The following DNAAF5 variants were observed in gnomAD, a reference collection of about 807,000 sequenced individuals.
The protein encoded by DNAAF5 is dynein axonemal assembly factor 5.
DNAAF5 carries 64 observed loss-of-function variants against 75.8 expected under a neutral mutation model. The observed-to-expected ratio is 0.84, with a 90% CI of 0.69 to 1.04. The LOEUF (loss-of-function observed/expected upper bound fraction) is 1.04. Among genes scored for constraint, DNAAF5 ranks in the 50% least tolerant of loss-of-function variants. The probability of loss-of-function intolerance (pLI) is 0.00; values close to 1 mark genes in which losing one functional copy is unlikely to be tolerated. For synonymous variants in DNAAF5, 657 were observed against 557.2 expected, an observed-to-expected ratio of 1.18 and a Z score of -2.52; for missense variants, 1,269 against 1,178.5, an observed-to-expected ratio of 1.08 and a Z score of -1.12.
intron 2 of DNAAF5, among the ~76,000 whole-genome samples, chr7:731,955 C>T (rs1781600057): frequency 6.6e-6 from 1 of 152,148 alleles, no homozygotes; most frequent in African/African-American, 2.4e-5. Flanking sequence ...GCCCTGGGAC[C>T]CCATCCTCTC....
chr7:781,952 G>A (rs1046215097), intron 12 of DNAAF5, among the ~76,000 whole-genome samples: 5 of 152,358 alleles, frequency 3.3e-5, no homozygotes, highest in South Asian at 2.1e-4. Flanking sequence ...CTGTCCCTGC[G>A]GCTGTACTCT....
Position 761,909 on chromosome 7 carries a change from G to T in DNAAF5, c.1614+13G>T. The stretch of plus-strand genomic sequence containing the variant: ...CCTGAGGGACAAGGTAAGGCTGACA[G>T]TGGTGGCTGCTGCTTGACCTAGCGG... On this transcript the variant is annotated intron_variant, in intron 7 of 12. Transcript: ENST00000297440. The T allele has an allele frequency of 6.4e-7, 1 of 1,562,008 alleles. No individual in the cohort carries two copies. The highest frequency in any genetic ancestry group is 8.7e-7 in the Non-Finnish European group (1 of 1,153,848).
intron 11 of DNAAF5, among the ~76,000 whole-genome samples, chr7:777,901 C>T (rs922360046): frequency 7.2e-5 from 11 of 152,116 alleles, no homozygotes; most frequent in Admixed American, 5.9e-4. Flanking sequence ...GCAGAGGACA[C>T]GGGATGGAGA....
intron 8 of DNAAF5, 137 bp from the exon 9 acceptor site, chr7:770,334 G>C: frequency 1.4e-6 from 1 of 694,490 alleles, no homozygotes; most frequent in Non-Finnish European, 2.4e-6. Flanking sequence ...CTTACTGATT[G>C]AGAAAGAGGA....
chr7:757,682 G>A (rs67505460), intron 6 of DNAAF5, among the ~76,000 whole-genome samples: 24,530 of 152,270 alleles, frequency 0.16, 2,337 homozygotes, highest in Middle Eastern at 0.26. Flanking sequence ...CATGGAAGAA[G>A]AGGTGATGGC....
intron 12 of DNAAF5, among the ~76,000 whole-genome samples, chr7:781,013 CACTT>C (rs752532639): frequency 6.6e-6 from 1 of 152,130 alleles, no homozygotes; most frequent in Non-Finnish European, 1.5e-5. Context: ...TCACTTCAAA[CACTT>C]ACACTTTCTT....
At chr7:731,173 C>T (rs1781551381) in intron 2 of DNAAF5, among the ~76,000 whole-genome samples, 1 of 152,168 alleles carries the variant, frequency 6.6e-6, no homozygotes, top group African/African-American at 2.4e-5. Context: ...TGGGCCAAGT[C>T]TTACTCCTCA....
rs368464988 is a variant in DNAAF5 at position 764,567 on chromosome 7, G to A, written c.1783+593G>A. 5.9e-5 allele frequency among the ~76,000 whole-genome samples: 9 copies of A among 152,252 alleles called. 1 individual carries two copies. The South Asian group carries it at 8.3e-4, about 14-fold the overall frequency. ...GTAGCTCTTCCTCGTTTGCCTCCCCGGCCCTCCCGCTCCCGCCTGCAGCTC... is the reference window on the plus strand; with the variant it reads ...GTAGCTCTTCCTCGTTTGCCTCCCCAGCCCTCCCGCTCCCGCCTGCAGCTC... On this transcript the variant is annotated intron_variant, in intron 8 of 12. Coordinates refer to ENST00000297440, the MANE Select transcript of DNAAF5 (RefSeq NM_017802.4).
intron 2 of DNAAF5, among the ~76,000 whole-genome samples, chr7:739,474 C>T (rs1356317997): frequency 1.3e-5 from 2 of 152,206 alleles, no homozygotes; most frequent in African/African-American, 4.8e-5. Flanking sequence ...TTGGGTTTCT[C>T]TTAGTTGTTA....
intron 8 of DNAAF5, 119 bp downstream of exon 8, chr7:764,093 G>C: frequency 9.5e-7 from 1 of 1,052,616 alleles, no homozygotes; most frequent in South Asian, 1.5e-5. Context: ...ACTGAAGCGT[G>C]TTGTTAAAAG....
At chr7:783,829 C>G (rs113481285) in intron 12 of DNAAF5, among the ~76,000 whole-genome samples, 2,028 of 152,252 alleles carry the variant, frequency 0.013, 47 homozygotes, top group African/African-American at 0.043. Context: ...CTCTCAGCCT[C>G]AGCCTCACTC....
At chr7:731,612 G>A (rs963744031) in intron 2 of DNAAF5, among the ~76,000 whole-genome samples, 3 of 152,144 alleles carry the variant, frequency 2.0e-5, no homozygotes, top group Admixed American at 1.3e-4. Flanking sequence ...CATGCAGCCC[G>A]GGACGGCTTT....
Position 756,194 on chromosome 7 carries a change from C to T in DNAAF5, c.1258-588C>T, listed in dbSNP as rs529981539. ...CAGAGGGGCTGGTGTGTGTGTGATCCGCTGTGGAATCCCATGGTGCAGAGG... is the reference window on the plus strand; with the variant it reads ...CAGAGGGGCTGGTGTGTGTGTGATCTGCTGTGGAATCCCATGGTGCAGAGG... On this transcript the variant is annotated intron_variant, in intron 5 of 12. Coordinates refer to ENST00000297440, the MANE Select transcript of DNAAF5 (RefSeq NM_017802.4). 5.6e-3 allele frequency among the ~76,000 whole-genome samples: 816 copies of T among 146,604 alleles called. 27 individuals are homozygous for T. The highest frequency in any genetic ancestry group is 0.018 in the African/African-American group (682 of 38,142).
Position 786,394 on chromosome 7 carries a change from G to A in DNAAF5, c.*741G>A, listed in dbSNP as rs1779150520. On this transcript the variant is annotated 3_prime_UTR_variant, in exon 13 of 13. Transcript: ENST00000297440. ...CCGGAAGCCATTGTGTTCACACGGG[G>A]GAAATGCCGTATATATTTTTCAACA... The A allele has an allele frequency of 6.6e-6, 1 of 152,148 alleles. No individual in the cohort carries two copies. The highest frequency in any genetic ancestry group is 6.5e-5 in the Admixed American group (1 of 15,278). The allele number at this position is 152,148 out of a possible 1,614,324, so 9.4% of individuals were successfully genotyped here.
chr7:737,487 T>G (rs1215704120), intron 2 of DNAAF5, among the ~76,000 whole-genome samples: 2 of 152,254 alleles, frequency 1.3e-5, no homozygotes, highest in Admixed American at 6.5e-5. Context: ...CAACATTGTG[T>G]TGTTCTGTGT....
chr7:728,052 C>G (rs956721476), intron 1 of DNAAF5, among the ~76,000 whole-genome samples: 14 of 152,282 alleles, frequency 9.2e-5, no homozygotes, highest in African/African-American at 3.4e-4. Flanking sequence ...CCTTTCCGCT[C>G]TGGCTTGGAC....
At chr7:770,220 G>C (rs1197113855) in intron 8 of DNAAF5, among the ~76,000 whole-genome samples, 1 of 152,210 alleles carries the variant, frequency 6.6e-6, no homozygotes, top group Admixed American at 6.5e-5. Context: ...CCAAAGTGCT[G>C]GGATTATAGG....
chr7:741,252 A>G (rs578099153), intron 3 of DNAAF5, 95 bp from the exon 4 acceptor site: 59 of 911,486 alleles, frequency 6.5e-5, no homozygotes, highest in African/African-American at 3.8e-4. Flanking sequence ...CTCTCACGCA[A>G]TGGGGTCTTT....
chr7:767,309 C>T (rs993635283), intron 8 of DNAAF5, among the ~76,000 whole-genome samples: 1 of 151,882 alleles, frequency 6.6e-6, no homozygotes, highest in African/African-American at 2.4e-5. Context: ...TAGCTGCTGC[C>T]TAGGGTGGCT....
Sources: gnomAD v4.1 joint callset for allele counts (sites outside exome capture counted in the v4.1 genomes callset) on GRCh38, gnomAD v4.1.1 for gene constraint, MANE v1.5 for transcripts, NCBI Gene and HGNC (gene_info 2026-07-23, HGNC 2026-07-21) for gene names.